TBC1D22A: variants seen among roughly 807,000 people sequenced by gnomAD.
TBC1D22A encodes TBC1 domain family member 22A.
A neutral mutation model predicts 60.2 loss-of-function variants in TBC1D22A; 38 were observed. The ratio of observed to expected loss-of-function variants is 0.63; its 90% CI spans 0.49 to 0.83. TBC1D22A has a LOEUF of 0.83. Ranked by LOEUF, TBC1D22A falls within the 40% of genes least tolerant of loss-of-function variation. TBC1D22A has a pLI of 0.00. For missense variants in TBC1D22A, 628 were observed against 701.0 expected (o/e 0.90, Z 1.18); for synonymous variants, 302 against 281.7 (o/e 1.07, Z -0.72).
At chr22:47,138,184 G>C (rs986162424) in intron 12 of TBC1D22A, among the ~76,000 whole-genome samples, 9 of 152,226 alleles carry the variant, frequency 5.9e-5, no homozygotes, top group Non-Finnish European at 1.0e-4. Flanking sequence ...CCATCACTTT[G>C]TCGAGGAAGA....
chr22:46,779,853 C>T (rs1264104207), intron 1 of TBC1D22A, among the ~76,000 whole-genome samples: 1 of 152,190 alleles, frequency 6.6e-6, no homozygotes, highest in Non-Finnish European at 1.5e-5. Context: ...TGTGTTGCTG[C>T]CAGTCAGAGT....
intron 4 of TBC1D22A, among the ~76,000 whole-genome samples, chr22:46,850,957 A>G (rs975221937): frequency 2.0e-5 from 3 of 152,220 alleles, no homozygotes; most frequent in Non-Finnish European, 4.4e-5. Context: ...TTTATATGAA[A>G]TGTGCAAAAT....
chr22:47,155,785 C>T lies in TBC1D22A; in HGVS notation c.1426-17713C>T, dbSNP rs540157773. Reference sequence around the variant, plus strand: ...GTGCCCACCCTCAGGGGCGGTGGTGCGGACGGGCGCAGCCTGACCTTTCTG... The same window carrying T: ...GTGCCCACCCTCAGGGGCGGTGGTGTGGACGGGCGCAGCCTGACCTTTCTG... On this transcript the variant is annotated intron_variant, in intron 12 of 12. Transcript: ENST00000337137. Among the ~76,000 whole-genome samples the T allele has an allele frequency of 7.9e-5, 12 of 151,610 alleles. No individual in the cohort carries two copies. In the East Asian group the frequency reaches 1.9e-3, roughly 24 times the overall value.
chr22:47,173,674 C>T lies in TBC1D22A; in HGVS notation c.*48C>T, dbSNP rs2068580048. The T allele has an allele frequency of 6.2e-7, 1 of 1,608,624 alleles. No homozygotes were observed. The highest frequency in any genetic ancestry group is 8.5e-7 in the Non-Finnish European group (1 of 1,176,638). On this transcript the variant is annotated 3_prime_UTR_variant, in exon 13 of 13. Transcript: ENST00000337137. Reference sequence around the variant, plus strand: ...CCTCACTGTCCCGGGTGGCGCGCCCCACCTGCCTGGCTGGTGGTAGGCCCC... The same window carrying T: ...CCTCACTGTCCCGGGTGGCGCGCCCTACCTGCCTGGCTGGTGGTAGGCCCC...
chr22:47,099,502 A>G (rs1256229695), intron 11 of TBC1D22A, among the ~76,000 whole-genome samples: 1 of 150,926 alleles, frequency 6.6e-6, no homozygotes, highest in African/African-American at 2.4e-5. Flanking sequence ...CTGGAGTGCA[A>G]TGGCGCGATC....
intron 1 of TBC1D22A, chr22:46,763,393 A>AGTTTTTTT: frequency 9.1e-6 from 1 of 109,916 alleles, no homozygotes; most frequent in Admixed American, 1.1e-4. Context: ...GTTAGCAGGA[A>AGTTTTTTT]GTTTTTTTTT....
At chr22:46,979,131 C>T (rs1282837338) in intron 9 of TBC1D22A, among the ~76,000 whole-genome samples, 2 of 152,046 alleles carry the variant, frequency 1.3e-5, no homozygotes, top group Non-Finnish European at 2.9e-5. Context: ...CATTCATTGG[C>T]GATTTGGAAA....
intron 7 of TBC1D22A, among the ~76,000 whole-genome samples, chr22:46,902,557 C>G (rs1020265708): frequency 6.6e-6 from 1 of 152,278 alleles, no homozygotes; most frequent in African/African-American, 2.4e-5. Context: ...GATAATATCA[C>G]CACTTAAGCG....
At chr22:46,903,329 C>T (rs5767389) in intron 7 of TBC1D22A, among the ~76,000 whole-genome samples, 35,145 of 152,130 alleles carry the variant, frequency 0.23, 4,474 homozygotes, top group East Asian at 0.57. Flanking sequence ...CCTGCGGGGG[C>T]GTCTGTACTC....
At chr22:47,104,479 G>C (rs1603272748) in intron 11 of TBC1D22A, among the ~76,000 whole-genome samples, 1 of 151,158 alleles carries the variant, frequency 6.6e-6, no homozygotes, top group East Asian at 2.0e-4. Context: ...TGGATCACCT[G>C]AGGTCAGGAG....
At chr22:46,959,817 C>A (rs545580208) in intron 8 of TBC1D22A, among the ~76,000 whole-genome samples, 7 of 152,320 alleles carry the variant, frequency 4.6e-5, no homozygotes, top group Middle Eastern at 3.4e-3. Context: ...TTTCCAGACT[C>A]CACGTTTTCT....
chr22:47,156,794 G>A (rs890183827), intron 12 of TBC1D22A, among the ~76,000 whole-genome samples: 7 of 152,156 alleles, frequency 4.6e-5, no homozygotes, highest in African/African-American at 1.4e-4. Flanking sequence ...CCCCTTCTCC[G>A]GCCCCTCAGC....
chr22:46,830,420 A>G (rs548247483), intron 4 of TBC1D22A, among the ~76,000 whole-genome samples: 1 of 152,340 alleles, frequency 6.6e-6, no homozygotes, highest in Admixed American at 6.5e-5. Context: ...TAGAAATCGC[A>G]GGGCGTCATG....
intron 8 of TBC1D22A, among the ~76,000 whole-genome samples, chr22:46,941,817 TATAGAATATATAGAATA>T (rs1569249773): frequency 2.4e-5 from 2 of 84,398 alleles, no homozygotes; most frequent in Non-Finnish European, 4.4e-5. Context: ...ATAGAATATA[TATAGAATATATAGAATA>T]ATAGAATATA....
At chr22:46,862,568 T>C (rs2087957094) in intron 4 of TBC1D22A, among the ~76,000 whole-genome samples, 1 of 152,210 alleles carries the variant, frequency 6.6e-6, no homozygotes, top group African/African-American at 2.4e-5. Flanking sequence ...CTCACTGCTG[T>C]TCAGCCCCGG....
chr22:46,979,417 C>G (rs900610529), intron 9 of TBC1D22A, among the ~76,000 whole-genome samples: 6 of 152,336 alleles, frequency 3.9e-5, no homozygotes, highest in Middle Eastern at 3.4e-3. Context: ...ACTGATTTGT[C>G]TGCTAGTCCT....
At chr22:46,821,504 A>T (rs111951901) in intron 4 of TBC1D22A, among the ~76,000 whole-genome samples, 1 of 152,226 alleles carries the variant, frequency 6.6e-6, no homozygotes, top group Non-Finnish European at 1.5e-5. Context: ...TCCTTTGCTT[A>T]TGAAGCTTAG....
chr22:46,898,562 C>T (rs1326516459), intron 7 of TBC1D22A, among the ~76,000 whole-genome samples: 1 of 151,768 alleles, frequency 6.6e-6, no homozygotes, highest in Non-Finnish European at 1.5e-5. Context: ...ACGACATAGA[C>T]AAATGGAGCA....
At chr22:47,037,713 C>A (rs2062701017) in intron 11 of TBC1D22A, among the ~76,000 whole-genome samples, 1 of 152,206 alleles carries the variant, frequency 6.6e-6, no homozygotes, top group South Asian at 2.1e-4. Flanking sequence ...AAAAGAACTT[C>A]AGGCCGTTCT....
Sources: gnomAD v4.1 joint callset for allele counts (sites outside exome capture counted in the v4.1 genomes callset) on GRCh38, gnomAD v4.1.1 for gene constraint, MANE v1.5 for transcripts, NCBI Gene and HGNC (gene_info 2026-07-23, HGNC 2026-07-21) for gene names.